UBE2E2: variants seen among roughly 807,000 people sequenced by gnomAD.
The protein encoded by UBE2E2 is ubiquitin-conjugating enzyme E2 E2.
UBE2E2 carries 6 observed loss-of-function variants against 24.7 expected under a neutral mutation model. The observed-to-expected ratio is 0.24, with a 90% CI of 0.13 to 0.48. The LOEUF (loss-of-function observed/expected upper bound fraction) is 0.48, where lower values mean the gene tolerates loss of function less well. UBE2E2 is among the 20% of genes least tolerant of loss of function. The probability of loss-of-function intolerance (pLI) is 0.99; values close to 1 mark genes in which losing one functional copy is unlikely to be tolerated. For synonymous variants in UBE2E2, 104 were observed against 83.6 expected (o/e 1.24, Z -1.33); for missense variants, 169 against 245.0 (o/e 0.69, Z 2.07).
chr3:23,393,558 A>G (rs1697003831), intron 3 of UBE2E2, among the ~76,000 whole-genome samples: 1 of 152,192 alleles, frequency 6.6e-6, no homozygotes, highest in Non-Finnish European at 1.5e-5. Context: ...ATGTGATTTG[A>G]ATGCACAGTA....
chr3:23,233,479 T>A (rs1326577428), intron 3 of UBE2E2, among the ~76,000 whole-genome samples: 1 of 152,190 alleles, frequency 6.6e-6, no homozygotes, highest in Non-Finnish European at 1.5e-5. Flanking sequence ...TGCATTAATG[T>A]AAAACCCTTT....
chr3:23,480,812 C>A (rs1320921377), intron 3 of UBE2E2, among the ~76,000 whole-genome samples: 1 of 152,086 alleles, frequency 6.6e-6, no homozygotes, highest in Non-Finnish European at 1.5e-5. Context: ...AGGAAAGGGC[C>A]TTATATGTAG....
chr3:23,567,290 G>C (rs62256976), intron 5 of UBE2E2, among the ~76,000 whole-genome samples: 1 of 152,102 alleles, frequency 6.6e-6, no homozygotes, highest in African/African-American at 2.4e-5. Context: ...TTACTTGGCT[G>C]AGGCAGGGGT....
chr3:23,590,002 C>G lies in UBE2E2; in HGVS notation c.*171C>G, dbSNP rs925615324. 3 of 561,210 alleles carry G rather than the reference C, an allele frequency of 5.3e-6. No individual in the cohort carries two copies. The highest frequency in any genetic ancestry group is 3.8e-5 in the African/African-American group (2 of 53,220). The allele number at this position is 561,210 out of a possible 1,614,324, so 34.8% of individuals were successfully genotyped here. A position where few individuals can be genotyped will look rare whatever the true frequency, so the allele number is the denominator to read the frequency against. On this transcript the variant is annotated 3_prime_UTR_variant, in exon 6 of 6. Transcript: ENST00000396703. Reference sequence around the variant, plus strand: ...TTCCCATCCCAGTTCTTCCTGCCCCCCTTCCTCTCTCCCACGCTCTCTTTT... The same window carrying G: ...TTCCCATCCCAGTTCTTCCTGCCCCGCTTCCTCTCTCCCACGCTCTCTTTT...
In UBE2E2 at chr3:23,280,943, G is replaced by C. The variant is rs115887349; in HGVS notation, c.227+63631G>C. Among the ~76,000 whole-genome samples the C allele has an allele frequency of 5.9e-3, 897 of 152,324 alleles. 4 individuals carry two copies. Among genetic ancestry groups the C allele is most frequent in the African/African-American group, 0.02 (830 of 41,572 alleles). On this transcript the variant is annotated intron_variant, in intron 3 of 5. Coordinates refer to ENST00000396703, the MANE Select transcript of UBE2E2 (RefSeq NM_152653.4). The surrounding 1 kb of genome is among the most constrained non-coding windows in gnomAD (Gnocchi z 4.3). Reference sequence around the variant, plus strand: ...GAAGTCCAAGATCAAAGTGCTGGCAGACCTGGTGTCTGGTGAGAGCACTGT... The same window carrying C: ...GAAGTCCAAGATCAAAGTGCTGGCACACCTGGTGTCTGGTGAGAGCACTGT...
chr3:23,443,093 C>T (rs916430707), intron 3 of UBE2E2, among the ~76,000 whole-genome samples: 2 of 152,126 alleles, frequency 1.3e-5, no homozygotes, highest in African/African-American at 4.8e-5. Flanking sequence ...GGCCATTATC[C>T]CTCTCGTGGC....
chr3:23,395,119 T>G (rs989066678), intron 3 of UBE2E2, among the ~76,000 whole-genome samples: 1 of 152,180 alleles, frequency 6.6e-6, no homozygotes, highest in Non-Finnish European at 1.5e-5. Flanking sequence ...GGAGCGGCTC[T>G]TTGTATAGAT....
At chr3:23,258,900 G>GAAAA (rs11333992) in intron 3 of UBE2E2, among the ~76,000 whole-genome samples, 22 of 78,904 alleles carry the variant, frequency 2.8e-4, no homozygotes, top group East Asian at 4.4e-4. Context: ...CTCAAAAAAA[G>GAAAA]AAAAAAAAAA....
At chr3:23,222,426 C>T (rs937463414) in intron 3 of UBE2E2, among the ~76,000 whole-genome samples, 4 of 152,148 alleles carry the variant, frequency 2.6e-5, no homozygotes, top group Admixed American at 1.3e-4. Flanking sequence ...ATAATTCCCA[C>T]GTGTTGTGGG....
intron 4 of UBE2E2, among the ~76,000 whole-genome samples, chr3:23,507,784 A>G (rs1694490449): frequency 1.3e-5 from 2 of 152,192 alleles, no homozygotes; most frequent in Admixed American, 1.3e-4. Context: ...TTGAGGGGAG[A>G]GGAAAGACAG....
rs1033584616 is a variant in UBE2E2, at chr3:23,591,490, C to T, written c.*1659C>T. ...AGAATATTTTTTGTCTTTTTAATAACGATTTTACCATTCATTTTATTTAAA... is the reference window on the plus strand; with the variant it reads ...AGAATATTTTTTGTCTTTTTAATAATGATTTTACCATTCATTTTATTTAAA... On this transcript the variant is annotated 3_prime_UTR_variant, in exon 6 of 6. Transcript: ENST00000396703. 3 of 152,122 alleles carry T rather than the reference C, an allele frequency of 2.0e-5. No individual in the cohort carries two copies. Among genetic ancestry groups the T allele is most frequent in the Non-Finnish European group, 4.4e-5 (3 of 68,016 alleles). The allele number at this position is 152,122 out of a possible 1,614,324, so 9.4% of individuals were successfully genotyped here.
intron 3 of UBE2E2, among the ~76,000 whole-genome samples, chr3:23,400,234 C>CAT (rs1697184881): frequency 6.6e-6 from 1 of 152,176 alleles, no homozygotes; most frequent in Non-Finnish European, 1.5e-5. Context: ...TTATAGAAAA[C>CAT]ATAAACATTC....
chr3:23,363,546 C>T (rs7652287), intron 3 of UBE2E2, among the ~76,000 whole-genome samples: 6,227 of 152,260 alleles, frequency 0.041, 443 homozygotes, highest in African/African-American at 0.14. Flanking sequence ...TCAGAAAACA[C>T]AAAGAAAGGC....
chr3:23,463,256 C>G (rs1341610985), intron 3 of UBE2E2, among the ~76,000 whole-genome samples: 2 of 151,824 alleles, frequency 1.3e-5, no homozygotes, highest in Admixed American at 1.3e-4. Context: ...CTAAACCAAA[C>G]AACAATAAGG....
At chr3:23,402,100 T>C (rs930077079) in intron 3 of UBE2E2, among the ~76,000 whole-genome samples, 1 of 152,066 alleles carries the variant, frequency 6.6e-6, no homozygotes, top group African/African-American at 2.4e-5. Flanking sequence ...GTGATCCACC[T>C]GCCTCAGCCT....
chr3:23,371,372 C>A (rs1459918414), intron 3 of UBE2E2, among the ~76,000 whole-genome samples: 1 of 152,134 alleles, frequency 6.6e-6, no homozygotes, highest in South Asian at 2.1e-4. Context: ...TTATTAAATA[C>A]CCATACCCTG....
intron 3 of UBE2E2, among the ~76,000 whole-genome samples, chr3:23,222,889 G>A (rs1046574808): frequency 3.9e-5 from 6 of 152,020 alleles, no homozygotes; most frequent in Admixed American, 3.3e-4. Context: ...CGCTATTGCC[G>A]TCTGTTTGAT....
chr3:23,576,143 A>G (rs1696342619), intron 5 of UBE2E2, among the ~76,000 whole-genome samples: 2 of 152,226 alleles, frequency 1.3e-5, no homozygotes, highest in Non-Finnish European at 2.9e-5. Flanking sequence ...TGAATTTATT[A>G]TAATGCACAT....
At chr3:23,278,486 A>G (rs1366431097) in intron 3 of UBE2E2, among the ~76,000 whole-genome samples, 1 of 152,182 alleles carries the variant, frequency 6.6e-6, no homozygotes, top group African/African-American at 2.4e-5. Flanking sequence ...AGTCTTGCAT[A>G]AGAGTAAAAA....
Sources: allele counts gnomAD v4.1 joint callset (sites outside exome capture counted in the v4.1 genomes callset), GRCh38; gene constraint gnomAD v4.1.1; non-coding constraint Gnocchi (gnomAD v3.1); transcripts MANE v1.5; gene names NCBI Gene and HGNC (gene_info 2026-07-23, HGNC 2026-07-21).